Variants in DCP1A observed in about 807,000 individuals in gnomAD.
DCP1A encodes mRNA-decapping enzyme 1A.
Under a neutral mutation model 58.0 loss-of-function variants are expected in DCP1A, and 20 were observed. That is an observed-to-expected ratio of 0.34 (90% CI 0.24 to 0.50). The LOEUF is 0.50. DCP1A is among the 20% of genes least tolerant of loss of function. The pLI, the probability that DCP1A is intolerant of heterozygous loss-of-function variation, is 0.98. For missense variants in DCP1A, 613 were observed against 712.2 expected (o/e 0.86, Z 1.59); for synonymous variants, 285 against 275.1 (o/e 1.04, Z -0.36).
At chr3:53,330,857 A>ATTT (rs35396974) in intron 3 of DCP1A, among the ~76,000 whole-genome samples, 4 of 93,556 alleles carry the variant, frequency 4.3e-5, no homozygotes, top group Non-Finnish European at 6.5e-5. Context: ...AGTATATGTA[A>ATTT]TTTTTTTTTT....
intron 3 of DCP1A, among the ~76,000 whole-genome samples, chr3:53,326,977 C>CG (rs1553690630): frequency 2.2e-5 from 2 of 92,534 alleles, no homozygotes; most frequent in South Asian, 4.0e-4. Context: ...ACATGTCCAA[C>CG]CCCCCCCCCC....
intron 1 of DCP1A, among the ~76,000 whole-genome samples, chr3:53,347,010 T>C (rs2089299490): frequency 6.6e-6 from 1 of 152,178 alleles, no homozygotes; most frequent in Admixed American, 6.5e-5. Flanking sequence ...ATTTATCTAA[T>C]AATCCGCAAA....
At position 53,308,152 on chromosome 3, in the gene DCP1A, A is replaced by AT. The variant is rs1334975409; in HGVS notation, c.511-3863dup. Among the ~76,000 whole-genome samples the AT allele has an allele frequency of 8.5e-5, 13 of 152,234 alleles. No homozygotes were observed. The East Asian group carries it at 2.1e-3, about 25-fold the overall frequency. On this transcript the variant is annotated intron_variant, in intron 5 of 9. Coordinates refer to ENST00000610213, the MANE Select transcript of DCP1A (RefSeq NM_018403.7). ...TATTTCTAGGTGGTAGAACTATGAT[A>AT]TTTTCTTCTTTTTGTTTACTGTAAT...
chr3:53,343,595 A>G (rs2089247357), intron 2 of DCP1A, among the ~76,000 whole-genome samples: 1 of 152,108 alleles, frequency 6.6e-6, no homozygotes, highest in African/African-American at 2.4e-5. Flanking sequence ...GAGTGAGGGT[A>G]AAGATCCTTT....
At chr3:53,347,299 C>G (rs2089303629) in intron 1 of DCP1A, 84 bp downstream of exon 1, 2 of 1,390,794 alleles carry the variant, frequency 1.4e-6, no homozygotes, top group Non-Finnish European at 1.9e-6. Context: ...CTTAGTGTGC[C>G]CCCCCACCCC....
intron 4 of DCP1A, among the ~76,000 whole-genome samples, chr3:53,318,294 G>C (rs1185593070): frequency 6.6e-6 from 1 of 152,068 alleles, no homozygotes; most frequent in African/African-American, 2.4e-5. Flanking sequence ...GACAGAGCGA[G>C]ACTCTGTCTA....
Position 53,287,023 on chromosome 3 carries a change from G to A in DCP1A, c.*557C>T, listed in dbSNP as rs1379148683. The A allele has an allele frequency of 6.6e-6, 1 of 152,182 alleles. No homozygotes were observed. The highest frequency in any genetic ancestry group is 2.4e-5 in the African/African-American group (1 of 41,402). The allele number at this position is 152,182 out of a possible 1,614,324, so 9.4% of individuals were successfully genotyped here. ...TTCACAACTTTTAAGGCCCAAATGGGGCATTCATATAAAATATACTTCACT... is the reference window on the plus strand; with the variant it reads ...TTCACAACTTTTAAGGCCCAAATGGAGCATTCATATAAAATATACTTCACT... On this transcript the variant is annotated 3_prime_UTR_variant, in exon 10 of 10. Coordinates refer to ENST00000610213, the MANE Select transcript of DCP1A (RefSeq NM_018403.7).
intron 2 of DCP1A, among the ~76,000 whole-genome samples, 161 bp downstream of exon 2, chr3:53,344,741 A>G (rs551164886): frequency 6.6e-6 from 1 of 152,330 alleles, no homozygotes; most frequent in South Asian, 2.1e-4. Context: ...AGGCTCAGAG[A>G]AAAGAAAGAA....
intron 6 of DCP1A, 23 bp from the exon 7 acceptor site, chr3:53,292,850 C>T (rs1706972375): frequency 6.3e-7 from 1 of 1,584,448 alleles, no homozygotes; most frequent in Non-Finnish European, 8.5e-7. Context: ...TGAAACCACC[C>T]AGTCAAAGAG....
At chr3:53,305,792 T>C (rs1482586219) in intron 5 of DCP1A, among the ~76,000 whole-genome samples, 1 of 152,230 alleles carries the variant, frequency 6.6e-6, no homozygotes, top group Non-Finnish European at 1.5e-5. Context: ...AAGATGTTAT[T>C]AGGTTAGGTT....
At chr3:53,312,216 C>G (rs1553688733) in intron 5 of DCP1A, 25 bp downstream of exon 5, 1 of 1,555,506 alleles carries the variant, frequency 6.4e-7, no homozygotes, top group Non-Finnish European at 8.7e-7. Flanking sequence ...CCCTGGTCAG[C>G]ACCCAAGTAC....
At chr3:53,331,841 CA>C (rs782567101) in intron 3 of DCP1A, among the ~76,000 whole-genome samples, 57 of 152,186 alleles carry the variant, frequency 3.7e-4, no homozygotes, top group Non-Finnish European at 5.9e-4. Flanking sequence ...CAGTGAAAAT[CA>C]AAAGACCTCT....
chr3:53,292,543 A>C lies in DCP1A; in HGVS notation c.909T>G (p.Asn303Lys). 1 of 1,613,932 alleles carries C rather than the reference A, an allele frequency of 6.2e-7. No individual in the cohort carries two copies. The highest frequency in any genetic ancestry group is 8.5e-7 in the Non-Finnish European group (1 of 1,179,892). Residue 303 changes from asparagine (N) to lysine (K), a missense_variant, in exon 7 of 10, where the codon AAT becomes AAG. Asn to Lys is a moderately conservative substitution (Grantham distance 94). This residue lies in a region of DCP1A where 498 missense variants were observed against 556.7 expected (regional missense o/e 0.89). Transcript: ENST00000610213. ...LITPASITQS[N>K]EKHAPTYTIP... ...TTGTGTAGGTTGGAGCATGCTTTTC[A>C]TTGGACTGTGTGATGGAGGCTGGAG... is the stretch of plus-strand genomic sequence containing the variant.
At chr3:53,329,001 A>C (rs1196604835) in intron 3 of DCP1A, 1 of 190,372 alleles carries the variant, frequency 5.3e-6, no homozygotes, top group East Asian at 1.2e-4. Flanking sequence ...ACTGCACTGA[A>C]TTCAAAGATA....
At chr3:53,347,334 A>G (rs782419867) in intron 1 of DCP1A, 49 bp downstream of exon 1, 9 of 1,493,858 alleles carry the variant, frequency 6.0e-6, no homozygotes, top group South Asian at 3.9e-5. Flanking sequence ...GGCCCCTTTA[A>G]GAGACGGCAG....
chr3:53,301,690 C>T (rs79648456), intron 6 of DCP1A, among the ~76,000 whole-genome samples: 5,803 of 152,114 alleles, frequency 0.038, 157 homozygotes, highest in Non-Finnish European at 0.063. Flanking sequence ...AAACTGAAAA[C>T]AATCTAGATG....
chr3:53,344,796 G>T, intron 2 of DCP1A, 106 bp downstream of exon 2: 3 of 776,002 alleles, frequency 3.9e-6, no homozygotes, highest in Admixed American at 6.0e-5. Context: ...AACTTGAAGG[G>T]TACTAGCAGG....
At chr3:53,310,837 C>T (rs1320996959) in intron 5 of DCP1A, among the ~76,000 whole-genome samples, 2 of 152,170 alleles carry the variant, frequency 1.3e-5, no homozygotes, top group Non-Finnish European at 2.9e-5. Flanking sequence ...GTGGGACTTC[C>T]TTTGTTATCA....
chr3:53,323,531 A>G lies in DCP1A; in HGVS notation c.305-4058T>C, dbSNP rs183726006. 1.6e-3 allele frequency among the ~76,000 whole-genome samples: 245 copies of G among 152,324 alleles called. 1 individual carries two copies. Among genetic ancestry groups the G allele is most frequent in the Non-Finnish European group, 2.7e-3 (186 of 68,024 alleles). ...AATTCGTTTTCCTTCAATAAGCTAT[A>G]TTAATCTGGACATACCAAAACAATA... is the stretch of plus-strand genomic sequence containing the variant. On this transcript the variant is annotated intron_variant, in intron 3 of 9. Coordinates refer to ENST00000610213, the MANE Select transcript of DCP1A (RefSeq NM_018403.7).
Sources: allele counts gnomAD v4.1 joint callset (sites outside exome capture counted in the v4.1 genomes callset), GRCh38; gene constraint gnomAD v4.1.1; regional missense constraint gnomAD v4.1.1; transcripts MANE v1.5; gene names NCBI Gene and HGNC (gene_info 2026-07-23, HGNC 2026-07-21).